MIDEAS: variants seen among roughly 807,000 people sequenced by gnomAD.
The protein encoded by MIDEAS is mitotic deacetylase-associated SANT domain protein.
Under a neutral mutation model 102.7 loss-of-function variants are expected in MIDEAS, and 26 were observed. That is an observed-to-expected ratio of 0.25 (90% CI 0.19 to 0.35). The LOEUF (loss-of-function observed/expected upper bound fraction) is 0.35. Ranked by LOEUF, MIDEAS falls within the 10% of genes least tolerant of loss-of-function variation. The pLI is 1.00. For synonymous variants in MIDEAS, 585 were observed against 591.0 expected, an observed-to-expected ratio of 0.99 and a Z score of 0.15; for missense variants, 1,231 against 1,435.6, an observed-to-expected ratio of 0.86 and a Z score of 2.30.
intron 1 of MIDEAS, among the ~76,000 whole-genome samples, chr14:73,768,447 C>T (rs185621998): frequency 8.5e-5 from 13 of 152,052 alleles, no homozygotes; most frequent in Admixed American, 5.9e-4. Flanking sequence ...GGGCCATTCT[C>T]CCTCACAGAT....
intron 1 of MIDEAS, among the ~76,000 whole-genome samples, chr14:73,751,782 C>T (rs938827690): frequency 6.6e-6 from 1 of 152,162 alleles, no homozygotes. Context: ...CACCTGTAAT[C>T]CCAGCTACTC....
In MIDEAS at chr14:73,739,922, G is replaced by A. The variant is rs371711282; in HGVS notation, c.87C>T (p.Pro29=). The change falls in exon 2 of 13, where the codon CCC becomes CCT. Residue 29 remains proline, a synonymous_variant. Transcript: ENST00000423556. ...ACTGCTGGGGGGGCTGCAGGGGAGG[G>A]GGCTGCTCCTTGGGAGCTGGTTCCT... is the stretch of plus-strand genomic sequence containing the variant. ...GGQEPAPKEQ[P]PPLQPPQQSI... 6.5e-7 allele frequency: 1 copy of A among 1,531,552 alleles called. No individual in the cohort carries two copies. The highest frequency in any genetic ancestry group is 8.8e-7 in the Non-Finnish European group (1 of 1,139,716). The allele number at this position is 1,531,552 out of a possible 1,614,324, so 94.9% of individuals were successfully genotyped here. A position where few individuals can be genotyped will look rare whatever the true frequency, so the allele number is the denominator to read the frequency against.
chr14:73,784,662 G>A (rs978864036), intron 1 of MIDEAS, among the ~76,000 whole-genome samples: 5 of 152,166 alleles, frequency 3.3e-5, no homozygotes, highest in African/African-American at 9.7e-5. Flanking sequence ...TGGCAGTCCT[G>A]GTCAGGTGAT....
Position 73,725,507 on chromosome 14 carries a change from T to TCA in MIDEAS, c.2486-149_2486-148dup, listed in dbSNP as rs750969673. 4.1e-4 allele frequency: 262 copies of TCA among 640,696 alleles called. 1 individual carries two copies. The Middle Eastern group carries it at 6.9e-3, about 17-fold the overall frequency. The allele number at this position is 640,696 out of a possible 1,614,324, so 39.7% of individuals were successfully genotyped here. On this transcript the variant is annotated intron_variant, in intron 8 of 12. Transcript: ENST00000423556. The surrounding 1 kb of genome is among the most constrained non-coding windows in gnomAD (Gnocchi z 4.1). ...GCTCCTCGTCCCACTTCCATGTGCC[T>TCA]CACAGCCTCGCTCCCTTGCTTGTGA...
In MIDEAS at chr14:73,727,637, C is replaced by T. The variant is rs533663480; in HGVS notation, c.2096-113G>A. The T allele has an allele frequency of 2.4e-5, 24 of 1,019,382 alleles. No individual in the cohort carries two copies. The East Asian group carries it at 4.3e-4, about 18-fold the overall frequency. The allele number at this position is 1,019,382 out of a possible 1,614,324, so 63.1% of individuals were successfully genotyped here. ...TCACAGTGGTGACACACAGAGCTCA[C>T]GCAGGGAACACAGGCACCTGAGTCC... On this transcript the variant is annotated intron_variant, in intron 4 of 12. Transcript: ENST00000423556.
intron 1 of MIDEAS, chr14:73,787,080 G>A (rs1466424861): frequency 6.7e-6 from 1 of 150,110 alleles, no homozygotes; most frequent in Non-Finnish European, 1.5e-5. Context: ...TGGCGGGAGG[G>A]GGCGCCGAGC....
rs1420896262 is a variant in MIDEAS at position 73,760,148 on chromosome 14, AAAG to A, written c.-636_-634del. The A allele has an allele frequency of 7.3e-4, 111 of 152,186 alleles. No individual in the cohort carries two copies. Among genetic ancestry groups the A allele is most frequent in the African/African-American group, 2.5e-3 (102 of 41,402 alleles). The allele number at this position is 152,186 out of a possible 1,614,324, so 9.4% of individuals were successfully genotyped here. On this transcript the variant is annotated 5_prime_UTR_variant, in exon 1 of 13. Transcript: ENST00000423556. The surrounding 1 kb of genome is among the most constrained non-coding windows in gnomAD (Gnocchi z 4.8). ...TGAGCTCACAGCTTGAAAAAAAAAA[AAAG>A]AGAGAGGGCGAGAGGCAACAGCGGA...
chr14:73,739,586 G>A lies in MIDEAS; in HGVS notation c.423C>T (p.Leu141=), dbSNP rs149894352. 499 of 1,614,024 alleles carry A rather than the reference G, an allele frequency of 3.1e-4. No individual in the cohort carries two copies. The highest frequency in any genetic ancestry group is 4.1e-4 in the Non-Finnish European group (487 of 1,180,000). Residue 141 remains leucine, a synonymous_variant, in exon 2 of 13, where the codon CTC becomes CTT. Transcript: ENST00000423556. ...GCGGGCTCCCCTTGGTTGCACTGTAGAGGGACAGACTGTGGCAGTTCCATG... is the reference window on the plus strand; with the variant it reads ...GCGGGCTCCCCTTGGTTGCACTGTAAAGGGACAGACTGTGGCAGTTCCATG... The part of the protein sequence containing the change: ...HSTWNCHSLS[L]YSATKGSPHP...
chr14:73,729,626 G>C lies in MIDEAS; in HGVS notation c.2095+14C>G, dbSNP rs775856062. 1.4e-5 allele frequency: 22 copies of C among 1,587,536 alleles called. No individual in the cohort carries two copies. Among genetic ancestry groups the C allele is most frequent in the Middle Eastern group, 1.9e-4 (1 of 5,342 alleles). On this transcript the variant is annotated intron_variant, in intron 4 of 12. Transcript: ENST00000423556. ...GCCCCGCTCCTGCCAGGGTCGCGGA[G>C]GGAGGTCACTCACTAGTCCGGAGCA...
intron 3 of MIDEAS, among the ~76,000 whole-genome samples, chr14:73,730,976 A>AG (rs2053130667): frequency 7.0e-6 from 1 of 143,844 alleles, no homozygotes; most frequent in African/African-American, 2.5e-5. Context: ...AAAAGGAAAA[A>AG]GAAAAAAAAA....
At chr14:73,758,467 A>G (rs2053512577) in intron 1 of MIDEAS, among the ~76,000 whole-genome samples, 1 of 152,190 alleles carries the variant, frequency 6.6e-6, no homozygotes, top group African/African-American at 2.4e-5. Context: ...AGAAGATCCC[A>G]GATCACCTGG....
chr14:73,768,256 A>C lies in MIDEAS; in HGVS notation c.-248+18846T>G, dbSNP rs538129717. Among the ~76,000 whole-genome samples the C allele has an allele frequency of 2.3e-4, 35 of 152,232 alleles. No homozygotes were observed. The South Asian group carries it at 7.3e-3, about 32-fold the overall frequency. ...ACCCTTGAAGGAAGCCATTTTTCCC[A>C]TTTTATAGATAAGGAAGCTGAGGTT... On this transcript the variant is annotated intron_variant, in intron 1 of 11. Transcript: ENST00000394071.
In MIDEAS at chr14:73,737,392, G is replaced by A. The variant is rs189173916; in HGVS notation, c.1450-95C>T. ...TAATTCCTGCACTTTGGGAGGACAA[G>A]ATTAAAGGATCACTTGACGCCACAA... On this transcript the variant is annotated intron_variant, in intron 2 of 12. Transcript: ENST00000423556. 259 of 1,346,558 alleles carry A rather than the reference G, an allele frequency of 1.9e-4. No homozygotes were observed. The East Asian group carries it at 5.8e-3, about 30-fold the overall frequency. The allele number at this position is 1,346,558 out of a possible 1,614,324, so 83.4% of individuals were successfully genotyped here. A position where few individuals can be genotyped will look rare whatever the true frequency, so the allele number is the denominator to read the frequency against.
intron 1 of MIDEAS, among the ~76,000 whole-genome samples, chr14:73,785,189 T>G (rs1436686844): frequency 2.6e-5 from 4 of 152,240 alleles, no homozygotes; most frequent in Non-Finnish European, 4.4e-5. Context: ...AGATTTAGAA[T>G]GTGAAAACGA....
intron 1 of MIDEAS, among the ~76,000 whole-genome samples, chr14:73,782,234 G>A (rs957265946): frequency 1.3e-5 from 2 of 152,158 alleles, no homozygotes; most frequent in Non-Finnish European, 2.9e-5. Flanking sequence ...TCCAATGCTA[G>A]GGTTCAGCCA....
intron 11 of MIDEAS, among the ~76,000 whole-genome samples, chr14:73,719,743 T>C (rs952763628): frequency 1.3e-5 from 2 of 151,696 alleles, no homozygotes; most frequent in Non-Finnish European, 2.9e-5. Flanking sequence ...CCCGAGCTGC[T>C]AGAGGCCTTG....
intron 1 of MIDEAS, among the ~76,000 whole-genome samples, chr14:73,752,661 C>T (rs904510055): frequency 6.6e-5 from 10 of 152,172 alleles, no homozygotes; most frequent in African/African-American, 2.4e-4. Context: ...CAGACAGACG[C>T]CCATTTGACT....
rs543259708 is a variant in MIDEAS at position 73,742,983 on chromosome 14, A to T, written c.-247-2728T>A. ...ATGGCCTTATAAGGCAGGAGTTGCG[A>T]TTTTAACCTCTATTTACAGGTTAGC... On this transcript the variant is annotated intron_variant, in intron 1 of 12. Transcript: ENST00000423556. This position sits in a 1 kb window ranked among gnomAD's most constrained non-coding sequence, Gnocchi z 4.4. Among the ~76,000 whole-genome samples, 19 of 152,250 alleles carry T rather than the reference A, an allele frequency of 1.2e-4. No individual in the cohort carries two copies. The highest frequency in any genetic ancestry group is 2.6e-4 in the Non-Finnish European group (18 of 68,008).
intron 1 of MIDEAS, among the ~76,000 whole-genome samples, chr14:73,770,837 G>A (rs1289576492): frequency 2.6e-5 from 4 of 152,160 alleles, no homozygotes; most frequent in Admixed American, 2.0e-4. Flanking sequence ...GGGCACACAC[G>A]TGGTCTCTAA....
Sources: gnomAD v4.1 joint callset for allele counts (sites outside exome capture counted in the v4.1 genomes callset) on GRCh38, gnomAD v4.1.1 for gene constraint, Gnocchi (gnomAD v3.1) non-coding constraint, MANE v1.5 for transcripts, NCBI Gene and HGNC (gene_info 2026-07-23, HGNC 2026-07-21) for gene names.